The following SMC6 variants were observed in gnomAD, a reference collection of about 807,000 sequenced individuals.
The protein encoded by SMC6 is structural maintenance of chromosomes protein 6.
In SMC6, 79 loss-of-function variants were observed where a neutral mutation model predicts 142.2. The ratio of observed to expected loss-of-function variants is 0.56; its 90% confidence interval spans 0.46 to 0.67. SMC6 has a LOEUF of 0.67. SMC6 is among the 30% of genes least tolerant of loss of function. The probability of loss-of-function intolerance (pLI) is 0.00; values close to 1 mark genes in which losing one functional copy is unlikely to be tolerated. For missense variants in SMC6, 1,072 were observed against 1,284.0 expected, an observed-to-expected ratio of 0.83 and a Z score of 2.52; for synonymous variants, 411 against 412.4, an observed-to-expected ratio of 1.00 and a Z score of 0.04.
chr2:17,676,979 T>A (rs748508295), intron 25 of SMC6, among the ~76,000 whole-genome samples: 1 of 152,176 alleles, frequency 6.6e-6, no homozygotes, highest in African/African-American at 2.4e-5. Flanking sequence ...GAGATAACCA[T>A]ATTATTTGTG....
At chr2:17,667,559 T>A (rs1666555255) in intron 26 of SMC6, among the ~76,000 whole-genome samples, 1 of 152,170 alleles carries the variant, frequency 6.6e-6, no homozygotes, top group Admixed American at 6.5e-5. Context: ...AATTTAATAC[T>A]ATATGTGGTG....
chr2:17,696,853 A>T (rs1199908276), intron 21 of SMC6, among the ~76,000 whole-genome samples: 1 of 152,164 alleles, frequency 6.6e-6, no homozygotes, highest in Non-Finnish European at 1.5e-5. Flanking sequence ...CACAATTTTG[A>T]GCATAAAATA....
At chr2:17,715,555 T>A (rs1325239270) in intron 15 of SMC6, among the ~76,000 whole-genome samples, 1 of 152,132 alleles carries the variant, frequency 6.6e-6, no homozygotes, top group Non-Finnish European at 1.5e-5. Context: ...AAAATATATT[T>A]ATAAGCATTT....
At chr2:17,747,126 T>C (rs1317794292) in intron 2 of SMC6, among the ~76,000 whole-genome samples, 1 of 151,890 alleles carries the variant, frequency 6.6e-6, no homozygotes, top group East Asian at 1.9e-4. Flanking sequence ...GGAGACCACC[T>C]AGAGAGCCTA....
intron 3 of SMC6, among the ~76,000 whole-genome samples, chr2:17,744,714 T>C (rs1670652251): frequency 6.6e-6 from 1 of 152,194 alleles, no homozygotes; most frequent in Non-Finnish European, 1.5e-5. Flanking sequence ...GCTGTCAGTT[T>C]TTTTGTGAGT....
At chr2:17,690,467 G>A (rs755309993) in intron 23 of SMC6, among the ~76,000 whole-genome samples, 2 of 152,102 alleles carry the variant, frequency 1.3e-5, no homozygotes, top group East Asian at 1.9e-4. Flanking sequence ...GGTGGTGCAC[G>A]CCTGTAATCC....
chr2:17,703,153 T>G lies in SMC6; in HGVS notation c.2142+4A>C. The G allele has an allele frequency of 7.3e-7, 1 of 1,364,540 alleles. No individual in the cohort carries two copies. The highest frequency in any genetic ancestry group is 1.0e-6 in the Non-Finnish European group (1 of 993,394). 84.5% of individuals were successfully genotyped at this position (1,364,540 alleles called of 1,614,324 possible). ...AAGAAGGTTTATTATTATTATTTTT[T>G]TACCTTTAGTTCTTTATAATGTAGT... On this transcript the variant is annotated splice_donor_region_variant and intron_variant, in intron 19 of 27. Transcript: ENST00000448223.
In SMC6 at chr2:17,731,153, A is replaced by G. The variant is rs1383112780; in HGVS notation, c.482-14T>C. ...AAACCACGGAGCCTAGTTATAAGAA[A>G]CATATGAAATAACCAAACTGTTTCT... On this transcript the variant is annotated splice_polypyrimidine_tract_variant and intron_variant, in intron 6 of 27. Coordinates refer to ENST00000448223, the MANE Select transcript of SMC6 (RefSeq NM_001142286.2). 6.3e-7 allele frequency: 1 copy of G among 1,595,948 alleles called. No homozygotes were observed. Among genetic ancestry groups the G allele is most frequent in the African/African-American group, 1.3e-5 (1 of 74,328 alleles).
chr2:17,734,547 C>T (rs1347462550), intron 5 of SMC6, among the ~76,000 whole-genome samples: 1 of 151,352 alleles, frequency 6.6e-6, no homozygotes, highest in Admixed American at 6.6e-5. Context: ...CATTAAGTTA[C>T]AGTACCTCAT....
chr2:17,713,516 C>T, intron 16 of SMC6: 2 of 471,172 alleles, frequency 4.2e-6, no homozygotes, highest in South Asian at 1.5e-5. Flanking sequence ...CACTCTTCTT[C>T]AGAGTCTTTG....
chr2:17,692,874 C>G (rs908820870), intron 23 of SMC6, among the ~76,000 whole-genome samples: 2 of 152,182 alleles, frequency 1.3e-5, no homozygotes, highest in African/African-American at 4.8e-5. Context: ...AAACAAACAA[C>G]CCCATCAACA....
At chr2:17,706,193 T>A (rs1475338907) in intron 18 of SMC6, among the ~76,000 whole-genome samples, 1 of 152,176 alleles carries the variant, frequency 6.6e-6, no homozygotes, top group Admixed American at 6.6e-5. Flanking sequence ...ATTAAAATGT[T>A]ATAGCATTTT....
chr2:17,739,421 G>T (rs1264241853), intron 4 of SMC6, among the ~76,000 whole-genome samples: 2 of 152,116 alleles, frequency 1.3e-5, no homozygotes. Context: ...AAGGCAGGTG[G>T]ATCACTTGAG....
At chr2:17,707,432 A>C in intron 17 of SMC6, 53 bp from the exon 18 acceptor site, 1 of 1,220,560 alleles carries the variant, frequency 8.2e-7, no homozygotes, top group Non-Finnish European at 1.1e-6. Context: ...AATTTTTCTG[A>C]TGTACAGAAT....
chr2:17,736,327 C>T (rs1670150380), intron 5 of SMC6, among the ~76,000 whole-genome samples: 1 of 152,002 alleles, frequency 6.6e-6, no homozygotes, highest in South Asian at 2.1e-4. Context: ...GCAGCCATGT[C>T]CTTAGAAGTC....
At chr2:17,716,307 T>G in intron 14 of SMC6, 43 bp from the exon 15 acceptor site, 1 of 1,567,218 alleles carries the variant, frequency 6.4e-7, no homozygotes, top group African/African-American at 1.4e-5. Context: ...ATGTGATAGT[T>G]TTACAGAAAC....
In SMC6 at chr2:17,696,314, A is replaced by C; in HGVS notation, c.2507T>G (p.Leu836Arg). Reference sequence around the variant, plus strand: ...CTCTAGTTCTTTCTCTTTCATATCCAGTTCTCGTTTCTTTTTATTTAAGGT... The same window carrying C: ...CTCTAGTTCTTTCTCTTTCATATCCCGTTCTCGTTTCTTTTTATTTAAGGT... ...LDTLNKKKRE[L>R]DMKEKELEEK... The change falls in exon 22 of 28, where the codon CTG becomes CGG. Residue 836 changes from leucine (L) to arginine (R), a missense_variant. By Grantham distance (102) the Leu-to-Arg change is moderately radical. Transcript: ENST00000448223. 7 of 1,598,974 alleles carry C rather than the reference A, an allele frequency of 4.4e-6. No individual in the cohort carries two copies. The highest frequency in any genetic ancestry group is 5.1e-6 in the Non-Finnish European group (6 of 1,176,684).
chr2:17,683,795 T>G, intron 23 of SMC6, 32 bp from the exon 24 acceptor site: 1 of 1,586,090 alleles, frequency 6.3e-7, no homozygotes, highest in Non-Finnish European at 8.6e-7. Flanking sequence ...ACGTAAAAAA[T>G]ACACCACACG....
chr2:17,690,134 G>A (rs1442004525), intron 23 of SMC6, among the ~76,000 whole-genome samples: 2 of 152,190 alleles, frequency 1.3e-5, no homozygotes, highest in Admixed American at 6.5e-5. Context: ...ATAACTAATA[G>A]AGAAATGTAA....
Sources: allele counts gnomAD v4.1 joint callset (sites outside exome capture counted in the v4.1 genomes callset), GRCh38; gene constraint gnomAD v4.1.1; transcripts MANE v1.5; gene names NCBI Gene and HGNC (gene_info 2026-07-23, HGNC 2026-07-21).